Variants in NSD2 observed in about 807,000 individuals in gnomAD.
NSD2 encodes nuclear receptor binding SET domain protein 2.
In NSD2, 12 loss-of-function variants were observed where a neutral mutation model predicts 139.0. That is an observed-to-expected ratio of 0.09 (90% CI 0.06 to 0.14). The LOEUF is 0.14. NSD2 is among the 10% of genes least tolerant of loss of function. The pLI is 1.00. For synonymous variants in NSD2, 669 were observed against 648.7 expected, an observed-to-expected ratio of 1.03 and a Z score of -0.48; for missense variants, 1,155 against 1,745.0, an observed-to-expected ratio of 0.66 and a Z score of 6.02.
chr4:1,971,992 C>T (rs1726533880), intron 18 of NSD2, among the ~76,000 whole-genome samples: 1 of 152,334 alleles, frequency 6.6e-6, no homozygotes, highest in Non-Finnish European at 1.5e-5. Flanking sequence ...GCAGGACGCT[C>T]ACGCCGCTCC....
At chr4:1,922,247 GAATT>G (rs1720244155) in intron 5 of NSD2, among the ~76,000 whole-genome samples, 1 of 152,162 alleles carries the variant, frequency 6.6e-6, no homozygotes, top group Admixed American at 6.6e-5. Context: ...AAATCTTTTA[GAATT>G]AATAGAGTTC....
At chr4:1,884,850 A>C (rs1163850792) in intron 1 of NSD2, among the ~76,000 whole-genome samples, 1 of 151,828 alleles carries the variant, frequency 6.6e-6, no homozygotes, top group Non-Finnish European at 1.5e-5. Flanking sequence ...GGCTCACGCC[A>C]GTAATCCCAG....
At chr4:1,887,604 G>C (rs1333408458) in intron 1 of NSD2, 4 of 152,554 alleles carry the variant, frequency 2.6e-5, no homozygotes, top group African/African-American at 7.2e-5. Flanking sequence ...GGCTACCAAA[G>C]TGCTGGGATT....
intron 5 of NSD2, among the ~76,000 whole-genome samples, chr4:1,925,766 A>G (rs546611997): frequency 3.4e-5 from 5 of 147,626 alleles, no homozygotes; most frequent in South Asian, 2.1e-4. Flanking sequence ...ATATATCTAT[A>G]TATATATTTT....
Position 1,955,105 on chromosome 4 carries a change from T to A in NSD2, c.2339-56T>A. On this transcript the variant is annotated intron_variant, in intron 12 of 21. Transcript: ENST00000508803. This position sits in a 1 kb window ranked among gnomAD's most constrained non-coding sequence, Gnocchi z 4.7. ...GCTGAGTAATTATTAGTTGCTCTTTTCACTATGACTGGAGTCAGTGTTTGG... is the reference window on the plus strand; with the variant it reads ...GCTGAGTAATTATTAGTTGCTCTTTACACTATGACTGGAGTCAGTGTTTGG... 2.0e-6 allele frequency: 3 copies of A among 1,511,134 alleles called. No individual in the cohort carries two copies. The South Asian group carries it at 3.8e-5, about 19-fold the overall frequency. 93.6% of individuals were successfully genotyped at this position (1,511,134 alleles called of 1,614,324 possible).
intron 3 of NSD2, among the ~76,000 whole-genome samples, chr4:1,915,010 A>G (rs1415655041): frequency 1.3e-5 from 2 of 151,984 alleles, no homozygotes; most frequent in East Asian, 1.9e-4. Flanking sequence ...TTGATCTTAC[A>G]GGTTGCTATG....
chr4:1,955,754 C>A lies in NSD2; in HGVS notation c.2580C>A (p.Ile860=), dbSNP rs373003169. ...CCTTCCACCCTGACTGCCTGAACAT[C>A]GAGATGCCTGACGGCAGCTGGTTCT... ...PAAFHPDCLN[I]EMPDGSWFCN... The change falls in exon 14 of 22, where the codon ATC becomes ATA. Residue 860 remains isoleucine, a synonymous_variant. Coordinates refer to ENST00000508803, the MANE Select transcript of NSD2 (RefSeq NM_001042424.3). The surrounding 1 kb of genome is among the most constrained non-coding windows in gnomAD (Gnocchi z 4.7). The A allele has an allele frequency of 6.2e-7, 1 of 1,614,088 alleles. No individual in the cohort carries two copies. The highest frequency in any genetic ancestry group is 1.1e-5 in the South Asian group (1 of 91,078).
chr4:1,890,590 C>T (rs1447626943), intron 1 of NSD2, among the ~76,000 whole-genome samples: 5 of 151,084 alleles, frequency 3.3e-5, no homozygotes, highest in South Asian at 2.1e-4. Context: ...CGTGAGTCAC[C>T]GCACCCGGCC....
rs568563857 is a variant in NSD2, at chr4:1,926,552, C to T, written c.1411-4074C>T. On this transcript the variant is annotated intron_variant, in intron 5 of 21. Coordinates refer to ENST00000508803, the MANE Select transcript of NSD2 (RefSeq NM_001042424.3). ...GTGGCACAATCACAGCTCACTGCAA[C>T]CTCCGCCTTCCGGGTTCAAGCGATC... is the stretch of plus-strand genomic sequence containing the variant. Among the ~76,000 whole-genome samples, 23 of 152,090 alleles carry T rather than the reference C, an allele frequency of 1.5e-4. 1 individual carries two copies. In the East Asian group the frequency reaches 4.3e-3, roughly 28 times the overall value.
In NSD2 at chr4:1,901,047, A is replaced by G. The variant is rs757426831; in HGVS notation, c.393A>G (p.Thr131=). 188 of 1,614,098 alleles carry G rather than the reference A, an allele frequency of 1.2e-4. No individual in the cohort carries two copies. The highest frequency in any genetic ancestry group is 1.4e-4 in the Non-Finnish European group (170 of 1,180,052). ...AAATTAAGCTGAAAATCACCAAAAC[A>G]TACATGAATGGGAAGCCTCTCTTTG... The part of the protein sequence containing the change: ...SPEIKLKITK[T]YMNGKPLFES... The change falls in exon 2 of 22, where the codon ACA becomes ACG. Residue 131 remains threonine, a synonymous_variant. Transcript: ENST00000508803.
At chr4:1,970,510 G>A (rs1405441129) in intron 18 of NSD2, among the ~76,000 whole-genome samples, 1 of 152,192 alleles carries the variant, frequency 6.6e-6, no homozygotes, top group African/African-American at 2.4e-5. Context: ...CAGCTGCCGG[G>A]GGTGAGTGTG....
intron 8 of NSD2, 57 bp downstream of exon 8, chr4:1,938,589 T>TGGGTGGGGGGGGG: frequency 1.9e-6 from 1 of 537,354 alleles, no homozygotes; most frequent in Non-Finnish European, 3.5e-6. Flanking sequence ...CTGGGCTGGG[T>TGGGTGGGGGGGGG]GGGTGGGCTG....
rs1007915037 is a variant in NSD2 at position 1,947,707 on chromosome 4, C to T, written c.1882-3365C>T. 17 of 1,053,730 alleles carry T rather than the reference C, an allele frequency of 1.6e-5. No individual in the cohort carries two copies. The African/African-American group carries it at 2.5e-4, about 15-fold the overall frequency. The allele number at this position is 1,053,730 out of a possible 1,614,324, so 65.3% of individuals were successfully genotyped here. ...AAACGCAAACACTGTGGAGGTACTTCTCGCCATCAGCTTCCTTCTTTACAA... is the reference window on the plus strand; with the variant it reads ...AAACGCAAACACTGTGGAGGTACTTTTCGCCATCAGCTTCCTTCTTTACAA... On this transcript the variant is annotated intron_variant, in intron 9 of 21. Transcript: ENST00000508803.
intron 8 of NSD2, 80 bp downstream of exon 8, chr4:1,938,612 G>C: frequency 8.3e-7 from 1 of 1,204,426 alleles, no homozygotes; most frequent in Non-Finnish European, 1.2e-6. Context: ...AGTGTGAAAG[G>C]GGAAGGCTGG....
At chr4:1,935,071 A>T in intron 6 of NSD2, 73 bp from the exon 7 acceptor site, 2 of 1,154,824 alleles carry the variant, frequency 1.7e-6, no homozygotes, top group East Asian at 2.4e-5. Flanking sequence ...TGCCCTGGGT[A>T]GGTTCTCACA....
At position 1,981,614 on chromosome 4, in the gene NSD2, T is replaced by C. The variant is rs1727770487; in HGVS notation, c.*2705T>C. 2 of 374,448 alleles carry C rather than the reference T, an allele frequency of 5.3e-6. No individual in the cohort carries two copies. The highest frequency in any genetic ancestry group is 9.5e-6 in the Non-Finnish European group (2 of 211,164). 23.2% of individuals were successfully genotyped at this position (374,448 alleles called of 1,614,324 possible). A position where few individuals can be genotyped will look rare whatever the true frequency, so the allele number is the denominator to read the frequency against. On this transcript the variant is annotated 3_prime_UTR_variant, in exon 22 of 22. Coordinates refer to ENST00000508803, the MANE Select transcript of NSD2 (RefSeq NM_001042424.3). ...GGGGAAACTCTTCAGGCACCTGAAG[T>C]GAGAACCCAGCTGTCCGTCCTCAGG...
intron 9 of NSD2, chr4:1,943,792 A>T (rs140719721): frequency 1.9e-6 from 2 of 1,061,708 alleles, no homozygotes; most frequent in African/African-American, 3.3e-5. Context: ...CTCTGGTTCA[A>T]TAAGCAGTCA....
At chr4:1,970,551 GC>G (rs1443438102) in intron 18 of NSD2, among the ~76,000 whole-genome samples, 1 of 152,128 alleles carries the variant, frequency 6.6e-6, no homozygotes, top group Non-Finnish European at 1.5e-5. Flanking sequence ...TCAGAATGTT[GC>G]CCCCACCAGA....
intron 7 of NSD2, 25 bp downstream of exon 7, chr4:1,935,287 A>C: frequency 6.3e-7 from 1 of 1,584,018 alleles, no homozygotes; most frequent in Non-Finnish European, 8.7e-7. Flanking sequence ...GGTTTGCTTG[A>C]CCTGTCAGAG....
Sources: allele counts gnomAD v4.1 joint callset (sites outside exome capture counted in the v4.1 genomes callset), GRCh38; gene constraint gnomAD v4.1.1; non-coding constraint Gnocchi (gnomAD v3.1); transcripts MANE v1.5; gene names NCBI Gene and HGNC (gene_info 2026-07-23, HGNC 2026-07-21).